The following MICAL2 variants were observed in gnomAD, a reference collection of about 807,000 sequenced individuals.
The protein encoded by MICAL2 is microtubule associated monooxygenase, calponin and LIM domain containing 2.
In MICAL2, 77 loss-of-function variants were observed where a neutral mutation model predicts 127.3. That is an observed-to-expected ratio of 0.60 (90% CI 0.50 to 0.73). The LOEUF (loss-of-function observed/expected upper bound fraction) is 0.73. Ranked by LOEUF, MICAL2 falls within the 30% of genes least tolerant of loss-of-function variation. The pLI, the probability that MICAL2 is intolerant of heterozygous loss-of-function variation, is 0.00. For synonymous variants in MICAL2, 570 were observed against 551.1 expected (o/e 1.03, Z -0.48); for missense variants, 1,351 against 1,434.4 (o/e 0.94, Z 0.94).
chr11:12,323,878 G>T, intron 30 of MICAL2: 2 of 1,306,268 alleles, frequency 1.5e-6, no homozygotes, highest in Admixed American at 2.7e-5. Context: ...GCAGTGGCTG[G>T]GAATCATTAG....
chr11:12,120,455 G>A (rs1281438766), intron 1 of MICAL2, among the ~76,000 whole-genome samples: 2 of 152,194 alleles, frequency 1.3e-5, no homozygotes, highest in Admixed American at 6.5e-5. Context: ...GATGACTGGT[G>A]GAAGCTGCCT....
At chr11:12,284,519 C>G (rs1200353170) in intron 2 of MICAL2, among the ~76,000 whole-genome samples, 1 of 152,076 alleles carries the variant, frequency 6.6e-6, no homozygotes, top group Non-Finnish European at 1.5e-5. Flanking sequence ...TCTATTAACA[C>G]CAGTGATGGA....
intron 15 of MICAL2, among the ~76,000 whole-genome samples, chr11:12,230,716 C>CG (rs1176551730): frequency 2.0e-5 from 3 of 150,928 alleles, no homozygotes; most frequent in African/African-American, 7.4e-5. Context: ...TTCTTCTTTC[C>CG]CCCCCCATCT....
intron 34 of MICAL2, among the ~76,000 whole-genome samples, chr11:12,355,862 C>T (rs1406410808): frequency 6.6e-6 from 1 of 152,162 alleles, no homozygotes; most frequent in East Asian, 1.9e-4. Flanking sequence ...CCTTATGCAG[C>T]AGCACTGTAC....
intron 17 of MICAL2, 90 bp from the exon 18 acceptor site, chr11:12,240,950 T>G: frequency 6.7e-7 from 1 of 1,502,944 alleles, no homozygotes; most frequent in Non-Finnish European, 9.1e-7. Flanking sequence ...CTGCTCCTCT[T>G]CTCTTCTCCC....
intron 29 of MICAL2, chr11:12,303,532 A>G (rs186225939): frequency 1.3e-5 from 2 of 152,362 alleles, no homozygotes; most frequent in East Asian, 3.9e-4. Flanking sequence ...GACATACTAT[A>G]TGTGTAAAAT....
intron 1 of MICAL2, among the ~76,000 whole-genome samples, chr11:12,133,114 C>T (rs928136942): frequency 6.6e-6 from 1 of 152,178 alleles, no homozygotes; most frequent in Non-Finnish European, 1.5e-5. Context: ...GAGAGTCTTG[C>T]TCTGTCACCC....
At chr11:12,203,253 T>C (rs1314083136) in intron 3 of MICAL2, among the ~76,000 whole-genome samples, 1 of 152,240 alleles carries the variant, frequency 6.6e-6, no homozygotes, top group Admixed American at 6.5e-5. Context: ...GAACATGTTT[T>C]CATTTCTCTT....
chr11:12,160,707 G>A (rs1254045393), intron 2 of MICAL2, among the ~76,000 whole-genome samples: 1 of 152,136 alleles, frequency 6.6e-6, no homozygotes, highest in Non-Finnish European at 1.5e-5. Flanking sequence ...GTTGGACACC[G>A]CCTGCTCTGG....
intron 29 of MICAL2, among the ~76,000 whole-genome samples, chr11:12,318,489 G>A (rs1276015557): frequency 6.6e-6 from 1 of 152,168 alleles, no homozygotes; most frequent in East Asian, 1.9e-4. Context: ...GGAGGCTAAA[G>A]CACCCTTATT....
At chr11:12,161,511 T>C (rs1212389911) in intron 2 of MICAL2, 1 of 152,628 alleles carries the variant, frequency 6.6e-6, no homozygotes, top group Admixed American at 6.5e-5. Context: ...GTCATGTGGA[T>C]AGTGGAAAGC....
chr11:12,193,190 C>T (rs1302586474), intron 3 of MICAL2, among the ~76,000 whole-genome samples: 1 of 152,162 alleles, frequency 6.6e-6, no homozygotes, highest in East Asian at 1.9e-4. Context: ...GGGCGAGAGA[C>T]TTCATAGAAA....
Position 12,127,573 on chromosome 11 carries a change from A to C in MICAL2, c.-148-10817A>C, listed in dbSNP as rs141041703. ...CGGGGAGGGCTGTAATTTTAAACAGAGTGGTTAGAGAAGGTTTCACTGACT... is the reference window on the plus strand; with the variant it reads ...CGGGGAGGGCTGTAATTTTAAACAGCGTGGTTAGAGAAGGTTTCACTGACT... On this transcript the variant is annotated intron_variant, in intron 1 of 27. Coordinates refer to ENST00000683283, the MANE Select transcript of MICAL2 (RefSeq NM_001282663.2). Among the ~76,000 whole-genome samples the C allele has an allele frequency of 8.5e-3, 1,287 of 152,222 alleles. 14 individuals are homozygous for C. The highest frequency in any genetic ancestry group is 0.029 in the African/African-American group (1,224 of 41,524).
exon 30 of MICAL2, chr11:12,319,809 A>G: frequency 6.2e-7 from 1 of 1,612,900 alleles, no homozygotes; most frequent in Non-Finnish European, 8.5e-7. Flanking sequence ...CTTGCAGTTA[A>G]AGGTAACAAC....
chr11:12,361,684 A>G (rs1939206870), downstream of MICAL2, among the ~76,000 whole-genome samples: 1 of 152,146 alleles, frequency 6.6e-6, no homozygotes, highest in Non-Finnish European at 1.5e-5. Flanking sequence ...GGTGTTTCCA[A>G]CCCTGATGAG....
Position 12,110,784 on chromosome 11 carries a change from A to G in MICAL2, c.-149+58A>G, listed in dbSNP as rs910198827. On this transcript the variant is annotated intron_variant, in intron 1 of 27. Transcript: ENST00000683283. This position sits in a 1 kb window ranked among gnomAD's most constrained non-coding sequence, Gnocchi z 4.5. ...GGAGGGCGGGCGGGCGCGGGTGGGG[A>G]CCGTGCCAGCCTCGGCTGGACTCTG... The G allele has an allele frequency of 4.0e-5, 6 of 151,710 alleles. No individual in the cohort carries two copies. The highest frequency in any genetic ancestry group is 2.1e-4 in the South Asian group (1 of 4,832). The allele number at this position is 151,710 out of a possible 1,614,324, so 9.4% of individuals were successfully genotyped here.
chr11:12,228,031 A>G (rs919425789), intron 15 of MICAL2, among the ~76,000 whole-genome samples: 1 of 152,218 alleles, frequency 6.6e-6, no homozygotes, highest in African/African-American at 2.4e-5. Context: ...CACATTTTAC[A>G]GATAAAAATG....
At chr11:12,261,872 A>G (rs1863162461) in intron 26 of MICAL2, 1 of 985,848 alleles carries the variant, frequency 1.0e-6, no homozygotes, top group Non-Finnish European at 1.2e-6. Flanking sequence ...GGTGGGAGGA[A>G]CCCTTGATTC....
rs11403732 is a variant in MICAL2 at position 12,180,349 on chromosome 11, A to ATATATATAT, written c.264+17931_264+17932insATATATATT. Among the ~76,000 whole-genome samples, 105 of 139,714 alleles carry ATATATATAT rather than the reference A, an allele frequency of 7.5e-4. No individual in the cohort carries two copies. In the East Asian group the frequency reaches 0.02, roughly 26 times the overall value. 91.7% of individuals were successfully genotyped at this position (139,714 alleles called of 152,430 possible). A position where few individuals can be genotyped will look rare whatever the true frequency, so the allele number is the denominator to read the frequency against. ...TTTATATACATGTATATATGTATATATTTTTTTTTTGGCAGGAAGGTTTCC... is the reference window on the plus strand; with the variant it reads ...TTTATATACATGTATATATGTATATATATATATATTTTTTTTTTTGGCAGGAAGGTTTCC... On this transcript the variant is annotated intron_variant, in intron 3 of 27. Transcript: ENST00000683283.
Sources: allele counts gnomAD v4.1 joint callset (sites outside exome capture counted in the v4.1 genomes callset), GRCh38; gene constraint gnomAD v4.1.1; non-coding constraint Gnocchi (gnomAD v3.1); transcripts MANE v1.5; gene names NCBI Gene and HGNC (gene_info 2026-07-23, HGNC 2026-07-21).